The following TACC1 variants were observed in gnomAD, a reference collection of about 807,000 sequenced individuals.
TACC1 encodes the protein transforming acidic coiled-coil containing protein 1.
Under a neutral mutation model 84.4 loss-of-function variants are expected in TACC1, and 48 were observed. That is an observed-to-expected ratio of 0.57 (90% CI 0.45 to 0.72). The LOEUF is 0.72. Ranked by LOEUF, TACC1 falls within the 30% of genes least tolerant of loss-of-function variation. The pLI is 0.00. For missense variants in TACC1, 920 were observed against 973.0 expected, an observed-to-expected ratio of 0.95 and a Z score of 0.72; for synonymous variants, 372 against 376.3, an observed-to-expected ratio of 0.99 and a Z score of 0.13.
intron 3 of TACC1, among the ~76,000 whole-genome samples, chr8:38,757,717 C>T (rs897206731): frequency 1.3e-5 from 2 of 152,028 alleles, no homozygotes; most frequent in African/African-American, 4.8e-5. Context: ...AGAAAACGCA[C>T]GTGTCCTAAA....
At chr8:38,780,713 A>G (rs887794677) in intron 3 of TACC1, among the ~76,000 whole-genome samples, 6 of 152,112 alleles carry the variant, frequency 3.9e-5, no homozygotes, top group African/African-American at 1.4e-4. Context: ...GAATTCTAAG[A>G]AAAATCCCCT....
At chr8:38,847,894 T>A (rs1832616336) in intron 12 of TACC1, 61 bp from the exon 13 acceptor site, 2 of 1,435,584 alleles carry the variant, frequency 1.4e-6, no homozygotes, top group Non-Finnish European at 2.0e-6. Flanking sequence ...ACTAGTTAAC[T>A]CTATTTGCCT....
chr8:38,822,219 TG>T (rs1232214746), intron 3 of TACC1, among the ~76,000 whole-genome samples: 1 of 135,296 alleles, frequency 7.4e-6, no homozygotes, highest in Non-Finnish European at 1.5e-5. Flanking sequence ...TACTCCAGCC[TG>T]GCTGGCAGAG....
chr8:38,842,191 C>A, intron 9 of TACC1, 96 bp from the exon 10 acceptor site: 2 of 1,440,588 alleles, frequency 1.4e-6, no homozygotes, highest in Non-Finnish European at 1.9e-6. Flanking sequence ...TGGTCACATC[C>A]CCGGCTGTGT....
intron 2 of TACC1, among the ~76,000 whole-genome samples, chr8:38,798,532 G>A (rs1171048116): frequency 6.6e-6 from 1 of 151,494 alleles, no homozygotes; most frequent in Non-Finnish European, 1.5e-5. Context: ...GTGACTTCTG[G>A]GTAATGTTTT....
chr8:38,842,505 A>G, intron 10 of TACC1, 58 bp downstream of exon 10: 1 of 1,519,438 alleles, frequency 6.6e-7, no homozygotes, highest in South Asian at 1.3e-5. Context: ...TTTCCTTGGT[A>G]ACTGGTCATC....
intron 3 of TACC1, among the ~76,000 whole-genome samples, chr8:38,776,942 T>G (rs1191220124): frequency 1.3e-5 from 2 of 152,060 alleles, no homozygotes; most frequent in African/African-American, 4.8e-5. Context: ...AGGGGCCCAG[T>G]GACACAGTCT....
chr8:38,759,858 C>G (rs1461437115), intron 3 of TACC1, among the ~76,000 whole-genome samples: 5 of 152,160 alleles, frequency 3.3e-5, no homozygotes, highest in Non-Finnish European at 5.9e-5. Flanking sequence ...CAAGTTCTGC[C>G]TTGTTCAGAT....
At chr8:38,838,586 T>G in intron 8 of TACC1, 40 bp downstream of exon 8, 2 of 1,494,656 alleles carry the variant, frequency 1.3e-6, no homozygotes, top group Non-Finnish European at 1.9e-6. Context: ...GATACTTTTA[T>G]GCACTGTTAG....
intron 3 of TACC1, among the ~76,000 whole-genome samples, chr8:38,821,070 T>C: frequency 6.6e-6 from 1 of 152,044 alleles, no homozygotes; most frequent in South Asian, 2.1e-4. Flanking sequence ...CTGGGCGTGG[T>C]GGTGCACACC....
intron 2 of TACC1, among the ~76,000 whole-genome samples, chr8:38,803,293 T>C (rs1156985798): frequency 1.3e-5 from 2 of 152,254 alleles, no homozygotes; most frequent in African/African-American, 2.4e-5. Flanking sequence ...TTAAAACTTC[T>C]AGAACAGTGT....
At chr8:38,769,975 G>T (rs1813243807) in intron 3 of TACC1, among the ~76,000 whole-genome samples, 1 of 151,218 alleles carries the variant, frequency 6.6e-6, no homozygotes, top group Non-Finnish European at 1.5e-5. Flanking sequence ...GAGTGGGTAT[G>T]GGTGGGGGTG....
At chr8:38,795,471 C>T (rs562609985) in intron 2 of TACC1, among the ~76,000 whole-genome samples, 2 of 152,286 alleles carry the variant, frequency 1.3e-5, no homozygotes, top group Admixed American at 1.3e-4. Context: ...GTTTTGGGAG[C>T]CGGCAGTCCT....
At chr8:38,758,678 CAAAAAA>C (rs773304871) in intron 3 of TACC1, among the ~76,000 whole-genome samples, 3 of 26,110 alleles carry the variant, frequency 1.1e-4, no homozygotes, top group South Asian at 6.2e-3. Context: ...GACTCCATCT[CAAAAAA>C]AAAAAAAAAA....
intron 3 of TACC1, among the ~76,000 whole-genome samples, chr8:38,755,496 A>T (rs866985719): frequency 6.6e-6 from 1 of 151,570 alleles, no homozygotes; most frequent in South Asian, 2.1e-4. Context: ...TGAGGCTAGG[A>T]GTTTGAGACC....
At position 38,849,269 on chromosome 8, in the gene TACC1, G is replaced by A. The variant is rs1832794363; in HGVS notation, c.*1246G>A. Reference sequence around the variant, plus strand: ...AGCTTGTTGAATACTGAGAAGAGGAGTGCAAGGAGAAGGTCTGTACTAACA... The same window carrying A: ...AGCTTGTTGAATACTGAGAAGAGGAATGCAAGGAGAAGGTCTGTACTAACA... On this transcript the variant is annotated 3_prime_UTR_variant, in exon 13 of 13. Transcript: ENST00000317827. 6.6e-6 allele frequency: 1 copy of A among 152,206 alleles called. No individual in the cohort carries two copies. The highest frequency in any genetic ancestry group is 1.5e-5 in the Non-Finnish European group (1 of 68,032). 9.4% of individuals were successfully genotyped at this position (152,206 alleles called of 1,614,324 possible).
intron 3 of TACC1, among the ~76,000 whole-genome samples, chr8:38,759,718 C>T (rs1271224180): frequency 6.6e-6 from 1 of 152,204 alleles, no homozygotes; most frequent in African/African-American, 2.4e-5. Context: ...TTACTGGCCT[C>T]ATCTGTATGT....
intron 3 of TACC1, among the ~76,000 whole-genome samples, chr8:38,767,824 G>A (rs773075157): frequency 5.9e-5 from 9 of 152,194 alleles, no homozygotes; most frequent in Admixed American, 1.3e-4. Flanking sequence ...CAACACTTTG[G>A]GAGTCTGAGG....
chr8:38,835,980 A>T (rs1392859163), intron 6 of TACC1, among the ~76,000 whole-genome samples, 182 bp from the exon 7 acceptor site: 2 of 152,324 alleles, frequency 1.3e-5, no homozygotes, highest in East Asian at 3.9e-4. Context: ...AGTCATTATA[A>T]CAGTTTTTCT....
Sources: gnomAD v4.1 joint callset for allele counts (sites outside exome capture counted in the v4.1 genomes callset) on GRCh38, gnomAD v4.1.1 for gene constraint, MANE v1.5 for transcripts, NCBI Gene and HGNC (gene_info 2026-07-23, HGNC 2026-07-21) for gene names.